The following TENM3 variants were observed in gnomAD, a reference collection of about 807,000 sequenced individuals.
The protein encoded by TENM3 is teneurin-3.
TENM3 carries 63 observed loss-of-function variants against 255.1 expected under a neutral mutation model. The ratio of observed to expected loss-of-function variants is 0.25; its 90% CI spans 0.20 to 0.30. The LOEUF is 0.30. Ranked by LOEUF, TENM3 falls within the 10% of genes least tolerant of loss-of-function variation. TENM3 has a pLI of 1.00. For synonymous variants in TENM3, 1,306 were observed against 1,322.3 expected (o/e 0.99, Z 0.27); for missense variants, 2,929 against 3,461.1 (o/e 0.85, Z 3.86).
the TENM3 span, among the ~76,000 whole-genome samples, chr4:181,994,443 G>A: frequency 2.2e-4 from 34 of 151,890 alleles, no homozygotes; most frequent in African/African-American, 8.2e-4. Flanking sequence ...AGACATACTC[G>A]CTGGGTAGTT....
the TENM3 span, among the ~76,000 whole-genome samples, chr4:181,744,226 G>A: frequency 7.7e-4 from 117 of 152,272 alleles, 1 homozygote; most frequent in African/African-American, 2.6e-3. Context: ...GTCCATTAGT[G>A]ATGGGCATTT....
chr4:182,593,722 C>T (rs1161295829), intron 3 of TENM3, among the ~76,000 whole-genome samples: 1 of 152,188 alleles, frequency 6.6e-6, no homozygotes, highest in African/African-American at 2.4e-5. Context: ...CTCCTCCTTT[C>T]CTCTCATCTC....
At chr4:181,790,558 A>G in the TENM3 span, among the ~76,000 whole-genome samples, 1 of 152,186 alleles carries the variant, frequency 6.6e-6, no homozygotes, top group Non-Finnish European at 1.5e-5. Flanking sequence ...AGAGAATAGA[A>G]ATAGAAAAGT....
chr4:182,038,634 A>G, the TENM3 span, among the ~76,000 whole-genome samples: 4 of 152,160 alleles, frequency 2.6e-5, no homozygotes, highest in Non-Finnish European at 4.4e-5. Context: ...CATTGCAACA[A>G]TTACATGTGG....
chr4:182,009,410 C>T, the TENM3 span, among the ~76,000 whole-genome samples: 1 of 151,950 alleles, frequency 6.6e-6, no homozygotes, highest in Admixed American at 6.6e-5. Flanking sequence ...AATTCTGTCC[C>T]TGAGCCTCTG....
At position 182,226,638 on chromosome 4, in the gene TENM3, C is replaced by T. The variant is rs536632963; in HGVS notation, c.-76+81884C>T. On this transcript the variant is annotated intron_variant, in intron 1 of 2. Transcript: ENST00000512480. ...AGGATGGAGTGGCTGAGTCTCCAGC[C>T]TTTTCTATGGAGCAGAGCCTCCCTC... is the stretch of plus-strand genomic sequence containing the variant. Among the ~76,000 whole-genome samples the T allele has an allele frequency of 1.2e-4, 19 of 152,192 alleles. No homozygotes were observed. In the East Asian group the frequency reaches 2.1e-3, roughly 17 times the overall value.
At chr4:182,495,494 C>T (rs955192235) in intron 3 of TENM3, among the ~76,000 whole-genome samples, 5 of 143,402 alleles carry the variant, frequency 3.5e-5, no homozygotes, top group Admixed American at 6.9e-5. Context: ...TCTTTAGTTT[C>T]CTTTAAAAGT....
At chr4:181,847,356 A>G in the TENM3 span, among the ~76,000 whole-genome samples, 1 of 152,212 alleles carries the variant, frequency 6.6e-6, no homozygotes, top group Non-Finnish European at 1.5e-5. Context: ...ACATGGTGCC[A>G]TAATCATATT....
chr4:182,567,173 T>C (rs1170204491), intron 3 of TENM3, among the ~76,000 whole-genome samples: 3 of 152,246 alleles, frequency 2.0e-5, no homozygotes, highest in Admixed American at 2.0e-4. Context: ...TTTACCTTTT[T>C]TGTGATGGGA....
At chr4:182,502,785 G>C (rs188797951) in intron 3 of TENM3, among the ~76,000 whole-genome samples, 2 of 151,790 alleles carry the variant, frequency 1.3e-5, no homozygotes, top group African/African-American at 4.8e-5. Context: ...TCATATGTCA[G>C]ATGATCCTTG....
the TENM3 span, among the ~76,000 whole-genome samples, chr4:182,120,764 C>T: frequency 2.4e-4 from 36 of 152,106 alleles, no homozygotes; most frequent in East Asian, 1.6e-3. Context: ...AGCCAGTGTC[C>T]GGTACCAAGT....
the TENM3 span, among the ~76,000 whole-genome samples, chr4:181,889,635 C>G: frequency 7.9e-5 from 12 of 152,088 alleles, no homozygotes; most frequent in East Asian, 1.2e-3. Context: ...AAATAATCCT[C>G]AAATTAGTGA....
intron 3 of TENM3, among the ~76,000 whole-genome samples, chr4:182,532,510 T>G (rs1461191658): frequency 2.0e-5 from 3 of 152,218 alleles, no homozygotes; most frequent in Admixed American, 2.0e-4. Flanking sequence ...GTTTTTCAAT[T>G]AAACTTTCAG....
chr4:182,651,484 A>G (rs1408046591), intron 5 of TENM3, among the ~76,000 whole-genome samples: 1 of 152,128 alleles, frequency 6.6e-6, no homozygotes, highest in Non-Finnish European at 1.5e-5. Flanking sequence ...TGAGTTCAGG[A>G]GTTCGAGAAC....
the TENM3 span, among the ~76,000 whole-genome samples, chr4:181,497,124 G>A: frequency 1.3e-5 from 2 of 152,080 alleles, no homozygotes; most frequent in Non-Finnish European, 2.9e-5. Flanking sequence ...CGTTCCTTGA[G>A]AATAGACAGC....
At chr4:182,431,934 AG>A (rs1481604276) in intron 3 of TENM3, among the ~76,000 whole-genome samples, 1 of 151,710 alleles carries the variant, frequency 6.6e-6, no homozygotes, top group East Asian at 1.9e-4. Flanking sequence ...AAAATTACAG[AG>A]GGTGGTGGCG....
chr4:181,584,196 A>T, the TENM3 span, among the ~76,000 whole-genome samples: 2 of 152,254 alleles, frequency 1.3e-5, no homozygotes, highest in South Asian at 2.1e-4. Flanking sequence ...TCACATGTAA[A>T]CCAAAGGATC....
intron 3 of TENM3, among the ~76,000 whole-genome samples, chr4:182,356,771 G>T (rs1352205445): frequency 1.3e-5 from 2 of 151,502 alleles, no homozygotes; most frequent in African/African-American, 2.4e-5. Flanking sequence ...CAATGTGCAG[G>T]TTAGCTACAT....
rs144376147 is a variant in TENM3, at chr4:182,760,963, A to G, written c.4892+5704A>G. ...AGCACAAATAATGCAGGAAAACGCA[A>G]TGATAATTATTCATTAATTAGAAAA... On this transcript the variant is annotated intron_variant, in intron 22 of 27. Coordinates refer to ENST00000511685, the MANE Select transcript of TENM3 (RefSeq NM_001080477.4). Among the ~76,000 whole-genome samples, 718 of 152,272 alleles carry G rather than the reference A, an allele frequency of 4.7e-3. 5 individuals carry two copies. Among genetic ancestry groups the G allele is most frequent in the African/African-American group, 0.016 (676 of 41,558 alleles).
Sources: gnomAD v4.1 joint callset for allele counts (sites outside exome capture counted in the v4.1 genomes callset) on GRCh38, gnomAD v4.1.1 for gene constraint, MANE v1.5 for transcripts, NCBI Gene and HGNC (gene_info 2026-07-23, HGNC 2026-07-21) for gene names.